AGBL1: variants seen among roughly 807,000 people sequenced by gnomAD.
AGBL1 encodes cytosolic carboxypeptidase 4.
In AGBL1, 130 loss-of-function variants were observed where a neutral mutation model predicts 118.9. The observed-to-expected ratio is 1.09, with a 90% CI of 0.95 to 1.26. AGBL1 has a LOEUF of 1.26. Among genes scored for constraint, AGBL1 ranks in the 50% most tolerant of loss-of-function variants. The pLI is 0.00. For missense variants in AGBL1, 1,584 were observed against 1,298.1 expected, an observed-to-expected ratio of 1.22 and a Z score of -3.38; for synonymous variants, 555 against 478.9, an observed-to-expected ratio of 1.16 and a Z score of -2.08.
At chr15:86,524,550 G>T (rs1007914333) in intron 19 of AGBL1, among the ~76,000 whole-genome samples, 2 of 152,074 alleles carry the variant, frequency 1.3e-5, no homozygotes, top group Non-Finnish European at 2.9e-5. Context: ...TTTGTTGGGG[G>T]GTCAGTTATG....
intron 24 of AGBL1, among the ~76,000 whole-genome samples, chr15:86,988,689 G>A (rs528678687): frequency 1.3e-5 from 2 of 152,138 alleles, no homozygotes; most frequent in Admixed American, 6.5e-5. Context: ...TAGTATGTTC[G>A]AATTATACTT....
At chr15:86,619,842 G>C (rs987661804) in intron 21 of AGBL1, among the ~76,000 whole-genome samples, 1 of 152,176 alleles carries the variant, frequency 6.6e-6, no homozygotes, top group East Asian at 1.9e-4. Context: ...AATAATATAT[G>C]CTAAGCTTCA....
At chr15:86,782,016 T>C (rs1020045673) in intron 22 of AGBL1, among the ~76,000 whole-genome samples, 1 of 152,122 alleles carries the variant, frequency 6.6e-6, no homozygotes, top group African/African-American at 2.4e-5. Context: ...GGCAGAGTTA[T>C]TATAGATCTT....
chr15:86,827,384 CACATATATAT>C (rs1567194567), intron 22 of AGBL1, among the ~76,000 whole-genome samples: 696 of 10,758 alleles, frequency 0.065, 155 homozygotes, highest in African/African-American at 0.081. Context: ...TATATATATA[CACATATATAT>C]ATACATATAT....
chr15:86,787,534 G>T (rs116990999), intron 22 of AGBL1, among the ~76,000 whole-genome samples: 2 of 151,978 alleles, frequency 1.3e-5, no homozygotes, highest in African/African-American at 4.8e-5. Context: ...TTTTATCTGG[G>T]TCTAGCTTTT....
intron 22 of AGBL1, among the ~76,000 whole-genome samples, chr15:86,840,250 G>C (rs2079226579): frequency 6.6e-6 from 1 of 152,082 alleles, no homozygotes; most frequent in Non-Finnish European, 1.5e-5. Flanking sequence ...GAGTTAAGCA[G>C]TTTTCATTTC....
At chr15:86,157,445 C>G (rs2077207781) in intron 4 of AGBL1, among the ~76,000 whole-genome samples, 2 of 152,126 alleles carry the variant, frequency 1.3e-5, no homozygotes, top group Admixed American at 1.3e-4. Flanking sequence ...GAAAAACTTG[C>G]CTTCCTTAAA....
At chr15:86,886,838 T>A (rs1203543372) in intron 22 of AGBL1, among the ~76,000 whole-genome samples, 2 of 152,146 alleles carry the variant, frequency 1.3e-5, no homozygotes, top group South Asian at 2.1e-4. Context: ...TTAATTCTAA[T>A]GAAGGGATTA....
chr15:86,171,665 C>T (rs545476184), intron 5 of AGBL1, among the ~76,000 whole-genome samples: 9 of 152,202 alleles, frequency 5.9e-5, no homozygotes, highest in African/African-American at 1.4e-4. Flanking sequence ...AGTTCCTCTC[C>T]ACTCAGATGT....
chr15:86,366,488 A>G (rs2080889710), intron 17 of AGBL1, among the ~76,000 whole-genome samples: 1 of 152,242 alleles, frequency 6.6e-6, no homozygotes, highest in South Asian at 2.1e-4. Context: ...TCAAGTTACC[A>G]GCAAGTGGTA....
At chr15:86,210,833 A>G (rs912547993) in intron 5 of AGBL1, among the ~76,000 whole-genome samples, 1 of 152,130 alleles carries the variant, frequency 6.6e-6, no homozygotes, top group Non-Finnish European at 1.5e-5. Flanking sequence ...CGTCAGTGTC[A>G]TTCTCCGTCC....
At chr15:86,427,735 T>G (rs903786798) in intron 18 of AGBL1, among the ~76,000 whole-genome samples, 1 of 152,230 alleles carries the variant, frequency 6.6e-6, no homozygotes, top group Non-Finnish European at 1.5e-5. Context: ...GTGGCATCCC[T>G]TAATATAGTT....
chr15:86,607,453 G>A (rs2084593542), intron 21 of AGBL1, among the ~76,000 whole-genome samples: 1 of 152,174 alleles, frequency 6.6e-6, no homozygotes, highest in South Asian at 2.1e-4. Flanking sequence ...TGGGATTACT[G>A]TATCCTATGG....
intron 22 of AGBL1, among the ~76,000 whole-genome samples, chr15:86,847,921 T>C (rs1222970270): frequency 2.6e-5 from 4 of 152,228 alleles, no homozygotes; most frequent in Non-Finnish European, 5.9e-5. Flanking sequence ...TGCTGCTTTA[T>C]TGCTTGATCA....
At chr15:86,151,632 C>T (rs983945973) in intron 3 of AGBL1, among the ~76,000 whole-genome samples, 10 of 152,176 alleles carry the variant, frequency 6.6e-5, no homozygotes, top group Non-Finnish European at 1.3e-4. Flanking sequence ...AGTATGCCCT[C>T]TCTCACCACT....
At chr15:86,146,821 T>A (rs2077039469) in intron 3 of AGBL1, among the ~76,000 whole-genome samples, 1 of 152,138 alleles carries the variant, frequency 6.6e-6, no homozygotes, top group South Asian at 2.1e-4. Context: ...GGGAATGGGT[T>A]ATGTAGGTTT....
intron 16 of AGBL1, among the ~76,000 whole-genome samples, chr15:86,283,126 CTATTT>C (rs747063030): frequency 2.8e-4 from 42 of 152,180 alleles, no homozygotes; most frequent in Non-Finnish European, 4.6e-4. Context: ...CAAAAAAGCT[CTATTT>C]TAATCAGCCG....
At chr15:86,734,637 G>T (rs1199690279) in intron 22 of AGBL1, among the ~76,000 whole-genome samples, 1 of 152,102 alleles carries the variant, frequency 6.6e-6, no homozygotes, top group Non-Finnish European at 1.5e-5. Context: ...TGGAGTCATT[G>T]TCACTGGTGG....
At chr15:86,443,087 T>A (rs916518881) in intron 18 of AGBL1, among the ~76,000 whole-genome samples, 3 of 152,186 alleles carry the variant, frequency 2.0e-5, no homozygotes, top group Non-Finnish European at 2.9e-5. Context: ...GTTGTTCTCT[T>A]CTGTTGTTGC....
Sources: allele counts gnomAD v4.1 joint callset (sites outside exome capture counted in the v4.1 genomes callset), GRCh38; gene constraint gnomAD v4.1.1; transcripts MANE v1.5; gene names NCBI Gene and HGNC (gene_info 2026-07-23, HGNC 2026-07-21).